The following LCLAT1 variants were observed in gnomAD, a reference collection of about 807,000 sequenced individuals.
The protein encoded by LCLAT1 is lysocardiolipin acyltransferase 1, also known as 1-AGP acyltransferase 8.
LCLAT1 carries 11 observed loss-of-function variants against 30.7 expected under a neutral mutation model. The ratio of observed to expected loss-of-function variants is 0.36; its 90% CI spans 0.23 to 0.59. The LOEUF (loss-of-function observed/expected upper bound fraction) is 0.59. Among genes scored for constraint, LCLAT1 ranks in the 20% least tolerant of loss-of-function variants. The probability of loss-of-function intolerance (pLI) is 0.77; values close to 1 mark genes in which losing one functional copy is unlikely to be tolerated. For missense variants in LCLAT1, 402 were observed against 458.6 expected (o/e 0.88, Z 1.13); for synonymous variants, 155 against 151.3 (o/e 1.02, Z -0.18).
chr2:30,600,042 G>T (rs1667108091), intron 5 of LCLAT1, among the ~76,000 whole-genome samples: 1 of 152,132 alleles, frequency 6.6e-6, no homozygotes, highest in Non-Finnish European at 1.5e-5. Context: ...TTTTTGTAGT[G>T]GTTGGTAACG....
At chr2:30,553,368 A>G (rs1664765346) in intron 3 of LCLAT1, among the ~76,000 whole-genome samples, 2 of 152,222 alleles carry the variant, frequency 1.3e-5, no homozygotes, top group Non-Finnish European at 2.9e-5. Flanking sequence ...TGAGAAGGCG[A>G]TGCTGATAAC....
In LCLAT1 at chr2:30,539,538, C is replaced by T. The variant is rs146444016; in HGVS notation, c.364+6224C>T. ...GTTTTAACAGGCTTGGCTGGTCTAT[C>T]TTCAACTTATTTAAGAACATGTGTT... On this transcript the variant is annotated intron_variant, in intron 3 of 5. Coordinates refer to ENST00000379509, the MANE Select transcript of LCLAT1 (RefSeq NM_001002257.3). Among the ~76,000 whole-genome samples, 610 of 152,186 alleles carry T rather than the reference C, an allele frequency of 4.0e-3. 1 individual carries two copies. The highest frequency in any genetic ancestry group is 0.014 in the African/African-American group (582 of 41,524).
chr2:30,610,895 G>A (rs907990853), intron 5 of LCLAT1, among the ~76,000 whole-genome samples: 1 of 151,816 alleles, frequency 6.6e-6, no homozygotes, highest in Non-Finnish European at 1.5e-5. Flanking sequence ...GGACTTAACT[G>A]TTATTATTTC....
chr2:30,585,066 T>G (rs1666373013), intron 5 of LCLAT1, among the ~76,000 whole-genome samples: 1 of 150,672 alleles, frequency 6.6e-6, no homozygotes. Flanking sequence ...AAATGAGAAA[T>G]AATCTTGATC....
intron 4 of LCLAT1, among the ~76,000 whole-genome samples, chr2:30,565,782 A>G (rs1009275410): frequency 6.6e-6 from 1 of 152,058 alleles, no homozygotes; most frequent in African/African-American, 2.4e-5. Flanking sequence ...CAGGATAAGG[A>G]GAGAGAGAGA....
At chr2:30,621,697 TAA>T (rs2148516946) in intron 5 of LCLAT1, among the ~76,000 whole-genome samples, 1 of 152,026 alleles carries the variant, frequency 6.6e-6, no homozygotes, top group East Asian at 1.9e-4. Context: ...GAGATGAATT[TAA>T]GAGAGCCAAG....
At chr2:30,492,445 C>T (rs547997712) in intron 1 of LCLAT1, among the ~76,000 whole-genome samples, 2 of 151,994 alleles carry the variant, frequency 1.3e-5, no homozygotes, top group East Asian at 3.9e-4. Context: ...TCAGCTGTGG[C>T]TTGAGTAGAG....
At chr2:30,519,557 T>C (rs1685371212) in intron 1 of LCLAT1, among the ~76,000 whole-genome samples, 1 of 152,190 alleles carries the variant, frequency 6.6e-6, no homozygotes, top group Admixed American at 6.5e-5. Context: ...TAAGCCTAGC[T>C]GGGGAAGGTG....
At chr2:30,578,824 T>C (rs999095395) in intron 5 of LCLAT1, among the ~76,000 whole-genome samples, 3 of 152,182 alleles carry the variant, frequency 2.0e-5, no homozygotes, top group Non-Finnish European at 4.4e-5. Context: ...AACACTTTTT[T>C]TCTAGCTTAT....
chr2:30,593,578 C>A (rs1372621304), intron 5 of LCLAT1, among the ~76,000 whole-genome samples: 1 of 151,998 alleles, frequency 6.6e-6, no homozygotes, highest in Non-Finnish European at 1.5e-5. Flanking sequence ...TTTTTTATTT[C>A]TGTGAGTAAT....
At chr2:30,635,157 T>C (rs1439962206) in intron 5 of LCLAT1, among the ~76,000 whole-genome samples, 1 of 152,022 alleles carries the variant, frequency 6.6e-6, no homozygotes, top group Non-Finnish European at 1.5e-5. Context: ...CCAAGGACTT[T>C]GGGAGAATGA....
intron 1 of LCLAT1, among the ~76,000 whole-genome samples, chr2:30,518,387 G>A (rs902729932): frequency 2.0e-5 from 3 of 152,208 alleles, no homozygotes; most frequent in African/African-American, 7.2e-5. Context: ...TAGAAGCAGA[G>A]TTAGAAAAAT....
At chr2:30,509,344 G>A (rs1684825782) in intron 1 of LCLAT1, among the ~76,000 whole-genome samples, 1 of 152,138 alleles carries the variant, frequency 6.6e-6, no homozygotes, top group Non-Finnish European at 1.5e-5. Flanking sequence ...TTTTGTGCCA[G>A]TTATCAAGGG....
chr2:30,478,686 GA>G (rs869115881), intron 1 of LCLAT1, among the ~76,000 whole-genome samples: 2 of 151,264 alleles, frequency 1.3e-5, no homozygotes, highest in Non-Finnish European at 2.9e-5. Context: ...TAAATAGATA[GA>G]TAGGTAGGTA....
At chr2:30,485,078 G>T (rs1056591414) in intron 1 of LCLAT1, among the ~76,000 whole-genome samples, 2 of 152,062 alleles carry the variant, frequency 1.3e-5, no homozygotes, top group Non-Finnish European at 2.9e-5. Flanking sequence ...TTGTAATATT[G>T]TTAAGTCACT....
At chr2:30,620,417 C>T (rs1291338176) in intron 5 of LCLAT1, among the ~76,000 whole-genome samples, 1 of 152,190 alleles carries the variant, frequency 6.6e-6, no homozygotes, top group African/African-American at 2.4e-5. Flanking sequence ...GTCATATAGC[C>T]TCTCTTCCTC....
chr2:30,521,483 C>A (rs1685464469), intron 1 of LCLAT1, among the ~76,000 whole-genome samples: 4 of 24,802 alleles, frequency 1.6e-4, no homozygotes, highest in East Asian at 1.7e-3. Flanking sequence ...ACCCCCTAAA[C>A]TACTTCTTCT....
At chr2:30,511,859 C>T (rs1435187455) in intron 1 of LCLAT1, among the ~76,000 whole-genome samples, 2 of 152,248 alleles carry the variant, frequency 1.3e-5, no homozygotes, top group African/African-American at 2.4e-5. Flanking sequence ...ACCTGCCCCT[C>T]ACTCATTACC....
intron 1 of LCLAT1, among the ~76,000 whole-genome samples, chr2:30,455,731 G>C (rs1681798567): frequency 6.6e-6 from 1 of 151,656 alleles, no homozygotes; most frequent in Non-Finnish European, 1.5e-5. Flanking sequence ...ACACAGGGAG[G>C]CCCTGACTCT....
Sources: gnomAD v4.1 joint callset for allele counts (sites outside exome capture counted in the v4.1 genomes callset) on GRCh38, gnomAD v4.1.1 for gene constraint, MANE v1.5 for transcripts, NCBI Gene and HGNC (gene_info 2026-07-23, HGNC 2026-07-21) for gene names.